Variants in SLC6A18 observed in about 807,000 individuals in gnomAD.
SLC6A18 encodes the protein inactive sodium-dependent neutral amino acid transporter B(0)AT3.
Under a neutral mutation model 62.9 loss-of-function variants are expected in SLC6A18, and 58 were observed. The ratio of observed to expected loss-of-function variants is 0.92; its 90% CI spans 0.75 to 1.15. The LOEUF is 1.15. Ranked by LOEUF, SLC6A18 falls within the 50% of genes most tolerant of loss-of-function variation. SLC6A18 has a pLI of 0.00. For synonymous variants in SLC6A18, 382 were observed against 365.8 expected (o/e 1.04, Z -0.51); for missense variants, 793 against 836.6 (o/e 0.95, Z 0.64).
At chr5:1,235,744 T>C (rs1746868683) in intron 4 of SLC6A18, 82 bp downstream of exon 4, 2 of 1,418,592 alleles carry the variant, frequency 1.4e-6, no homozygotes, top group South Asian at 1.2e-5. Context: ...GTTCGCTTTG[T>C]GTCTACAAGC....
rs1369958123 is a variant in SLC6A18 at position 1,232,685 on chromosome 5, AC to A, written c.302-65del. The A allele has an allele frequency of 1.2e-5, 19 of 1,533,930 alleles. No individual in the cohort carries two copies. In the Admixed American group the frequency reaches 4.0e-4, roughly 32 times the overall value. On this transcript the variant is annotated intron_variant, in intron 2 of 11. Coordinates refer to ENST00000324642, the MANE Select transcript of SLC6A18 (RefSeq NM_182632.3). ...TATGTTGTTATTTTGTTTTATTCTC[AC>A]TGCTTCTGGGCAGAGGGAGCTGGGA...
intron 1 of SLC6A18, among the ~76,000 whole-genome samples, chr5:1,228,804 C>T (rs1374957851): frequency 6.6e-6 from 1 of 152,154 alleles, no homozygotes; most frequent in East Asian, 1.9e-4. Context: ...CCTGGGAGGT[C>T]GAGGCTGGAG....
At chr5:1,226,901 C>T (rs181143060) in intron 1 of SLC6A18, among the ~76,000 whole-genome samples, 39 of 152,162 alleles carry the variant, frequency 2.6e-4, no homozygotes, top group Non-Finnish European at 1.6e-4. Context: ...TACCCACCAA[C>T]GCCTTGTTCG....
Position 1,246,038 on chromosome 5 carries a change from G to T in SLC6A18, c.1847G>T (p.Arg616Leu), listed in dbSNP as rs767367022. 1 of 1,593,044 alleles carries T rather than the reference G, an allele frequency of 6.3e-7. No homozygotes were observed. Among genetic ancestry groups the T allele is most frequent in the Non-Finnish European group, 8.5e-7 (1 of 1,175,188 alleles). ...DTDMRPDTDT[R>L]PDTDMRPDTD... ...GACATGCGCCCGGACACGGACACGC[G>T]CCCAGACACGGACATGCGCCCGGAC... Residue 616 changes from arginine (R) to leucine (L), a missense_variant, in exon 12 of 12, where the codon CGC (arginine) becomes CTC (leucine). Transcript: ENST00000324642.
intron 1 of SLC6A18, among the ~76,000 whole-genome samples, chr5:1,230,514 G>A (rs1318232120): frequency 1.3e-5 from 2 of 152,262 alleles, no homozygotes; most frequent in African/African-American, 2.4e-5. Context: ...AGAGCCGTCC[G>A]GCCCCCACAT....
intron 4 of SLC6A18, among the ~76,000 whole-genome samples, chr5:1,236,408 T>C (rs1198845586): frequency 6.6e-6 from 1 of 152,234 alleles, no homozygotes; most frequent in African/African-American, 2.4e-5. Flanking sequence ...AAACAGCAAA[T>C]GCATTGTTAT....
At chr5:1,238,967 G>A (rs534822866) in intron 5 of SLC6A18, among the ~76,000 whole-genome samples, 1 of 152,238 alleles carries the variant, frequency 6.6e-6, no homozygotes, top group Admixed American at 6.5e-5. Context: ...GTTTCCAGGG[G>A]CTGGTGTGGG....
At chr5:1,230,569 C>T (rs1746706509) in intron 1 of SLC6A18, among the ~76,000 whole-genome samples, 1 of 152,214 alleles carries the variant, frequency 6.6e-6, no homozygotes, top group Non-Finnish European at 1.5e-5. Context: ...GGTGAGGGCT[C>T]ACCTCCCACT....
At chr5:1,238,409 G>A (rs74200012) in intron 5 of SLC6A18, among the ~76,000 whole-genome samples, 1,182 of 37,356 alleles carry the variant, frequency 0.032, 6 homozygotes, top group African/African-American at 0.049. Context: ...GTTTGGAGTG[G>A]GCCTGGGGCC....
At chr5:1,235,302 G>A (rs539222553) in intron 3 of SLC6A18, among the ~76,000 whole-genome samples, 179 bp from the exon 4 acceptor site, 3 of 152,304 alleles carry the variant, frequency 2.0e-5, no homozygotes, top group African/African-American at 7.2e-5. Flanking sequence ...CACTCAGCCT[G>A]TTCATTTTCA....
chr5:1,245,670 G>A (rs1747197815), intron 11 of SLC6A18, among the ~76,000 whole-genome samples, 178 bp from the exon 12 acceptor site: 1 of 152,230 alleles, frequency 6.6e-6, no homozygotes. Context: ...CAAACTCCTG[G>A]CCCGGAGGGG....
At position 1,240,542 on chromosome 5, in the gene SLC6A18, A is replaced by G; in HGVS notation, c.857A>G (p.Gln286Arg). The change falls in exon 7 of 12, where the codon CAG (glutamine) becomes CGG (arginine). Residue 286 changes from glutamine (Q) to arginine (R), a missense_variant. Coordinates refer to ENST00000324642, the MANE Select transcript of SLC6A18 (RefSeq NM_182632.3). ...GCGTTTGTGCCCAGGAATGACTGCC[A>G]GAAGGATGCGGTGGTCATCGCCCTG... ...ASYNSPRNDC[Q>R]KDAVVIALVN... 1.9e-6 allele frequency: 3 copies of G among 1,614,174 alleles called. No individual in the cohort carries two copies. The highest frequency in any genetic ancestry group is 2.5e-6 in the Non-Finnish European group (3 of 1,180,006).
At chr5:1,245,727 T>C in intron 11 of SLC6A18, 121 bp from the exon 12 acceptor site, 1 of 1,115,226 alleles carries the variant, frequency 9.0e-7, no homozygotes, top group Non-Finnish European at 1.2e-6. Flanking sequence ...GGCCGTGCCT[T>C]TTCCATTCCC....
chr5:1,237,477 G>T (rs999723494), intron 4 of SLC6A18, among the ~76,000 whole-genome samples: 2 of 152,198 alleles, frequency 1.3e-5, no homozygotes, highest in South Asian at 4.1e-4. Flanking sequence ...AGAAGACTCT[G>T]GCCACACAGA....
chr5:1,239,397 C>G, intron 5 of SLC6A18, 53 bp from the exon 6 acceptor site: 2 of 1,383,186 alleles, frequency 1.4e-6, no homozygotes, highest in Non-Finnish European at 2.1e-6. Flanking sequence ...GTCAGGGCCA[C>G]CAGCTCATGT....
At chr5:1,240,765 A>T in intron 7 of SLC6A18, 106 bp downstream of exon 7, 1 of 1,487,724 alleles carries the variant, frequency 6.7e-7, no homozygotes, top group East Asian at 2.3e-5. Context: ...GGCACATTTC[A>T]TTTCTGTAGG....
At position 1,244,368 on chromosome 5, in the gene SLC6A18, G is replaced by A; in HGVS notation, c.1491G>A (p.Met497Ile). The A allele has an allele frequency of 6.2e-7, 1 of 1,613,712 alleles. No homozygotes were observed. Among genetic ancestry groups the A allele is most frequent in the Non-Finnish European group, 8.5e-7 (1 of 1,179,714 alleles). Residue 497 changes from methionine (M) to isoleucine (I), a missense_variant, in exon 10 of 12, where the codon ATG (methionine) becomes ATA (isoleucine). Met to Ile is a conservative substitution (Grantham distance 10). Coordinates refer to ENST00000324642, the MANE Select transcript of SLC6A18 (RefSeq NM_182632.3). ...TGGGTGTCGTTTATGTTTATGGAAT[G>A]AAACGGTGAGCTGCCGCCCCGCCGA... Reference protein sequence around the residue: ...EVVGVVYVYGMKRFCDDIAWM... With the variant: ...EVVGVVYVYGIKRFCDDIAWM...
Position 1,243,509 on chromosome 5 carries a change from A to AGT in SLC6A18, c.1132-36_1132-35dup, listed in dbSNP as rs754142878. 3.5e-5 allele frequency: 55 copies of AGT among 1,566,092 alleles called. No individual in the cohort carries two copies. The highest frequency in any genetic ancestry group is 4.0e-5 in the Non-Finnish European group (46 of 1,144,662). On this transcript the variant is annotated intron_variant, in intron 8 of 11. Transcript: ENST00000324642. The surrounding 1 kb of genome is among the most constrained non-coding windows in gnomAD (Gnocchi z 6.5). Reference sequence around the variant, plus strand: ...GCAGGCAGGCGTGTGTGTGTGGTGGAGTGTGTGTGTGCGTGGCCTGAAGCC... The same window carrying AGT: ...GCAGGCAGGCGTGTGTGTGTGGTGGAGTGTGTGTGTGTGCGTGGCCTGAAGCC...
chr5:1,231,244 C>T (rs1746723397), intron 1 of SLC6A18, among the ~76,000 whole-genome samples: 1 of 152,232 alleles, frequency 6.6e-6, no homozygotes, highest in Admixed American at 6.5e-5. Context: ...CACGGCCATT[C>T]ATCTCTACTG....
Sources: allele counts gnomAD v4.1 joint callset (sites outside exome capture counted in the v4.1 genomes callset), GRCh38; gene constraint gnomAD v4.1.1; non-coding constraint Gnocchi (gnomAD v3.1); transcripts MANE v1.5; gene names NCBI Gene and HGNC (gene_info 2026-07-23, HGNC 2026-07-21).